Variants in XPO7 observed in about 807,000 individuals in gnomAD.
XPO7 encodes the protein exportin 7, also known as exportin-7.
A neutral mutation model predicts 144.3 loss-of-function variants in XPO7; 21 were observed. The ratio of observed to expected loss-of-function variants is 0.15; its 90% confidence interval spans 0.10 to 0.21. The LOEUF (loss-of-function observed/expected upper bound fraction) is 0.21. Ranked by LOEUF, XPO7 falls within the 10% of genes least tolerant of loss-of-function variation. The pLI, the probability that XPO7 is intolerant of heterozygous loss-of-function variation, is 1.00. For synonymous variants in XPO7, 580 were observed against 499.6 expected (o/e 1.16, Z -2.15); for missense variants, 808 against 1,325.8 (o/e 0.61, Z 6.06).
At chr8:21,932,344 T>C (rs1368841108) in intron 1 of XPO7, among the ~76,000 whole-genome samples, 1 of 152,210 alleles carries the variant, frequency 6.6e-6, no homozygotes, top group Non-Finnish European at 1.5e-5. Flanking sequence ...ACTAGCAATC[T>C]GTGGGGCGTG....
At chr8:21,927,762 C>T (rs1563308485) in intron 1 of XPO7, among the ~76,000 whole-genome samples, 1 of 152,102 alleles carries the variant, frequency 6.6e-6, no homozygotes, top group Non-Finnish European at 1.5e-5. Flanking sequence ...TCCGACTGGT[C>T]TTGAGCTCCC....
At chr8:21,991,039 A>G (rs1345029582) in intron 18 of XPO7, 120 bp downstream of exon 18, 2 of 857,538 alleles carry the variant, frequency 2.3e-6, no homozygotes, top group Admixed American at 2.1e-5. Flanking sequence ...TAACAAAACT[A>G]TCTGAAATAA....
rs376858253 is a variant in XPO7, at chr8:21,998,213, G to A, written c.2346-542G>A. 7.4e-4 allele frequency among the ~76,000 whole-genome samples: 113 copies of A among 152,268 alleles called. No homozygotes were observed. In the Middle Eastern group the frequency reaches 0.01, roughly 14 times the overall value. On this transcript the variant is annotated intron_variant, in intron 21 of 27. Coordinates refer to ENST00000252512, the MANE Select transcript of XPO7 (RefSeq NM_015024.5). ...TCCCAGCACTTTGGGAGGCTGAGGC[G>A]GGCGGATCACGAGGTCAGGAGATCG... is the stretch of plus-strand genomic sequence containing the variant.
intron 1 of XPO7, among the ~76,000 whole-genome samples, chr8:21,946,786 A>G (rs1811209050): frequency 6.6e-6 from 1 of 151,790 alleles, no homozygotes; most frequent in African/African-American, 2.4e-5. Context: ...ATACCTACAC[A>G]CTTTATAGTA....
In XPO7 at chr8:21,985,660, C is replaced by G; in HGVS notation, c.1546C>G (p.Gln516Glu). 1 of 1,613,720 alleles carries G rather than the reference C, an allele frequency of 6.2e-7. No individual in the cohort carries two copies. Among genetic ancestry groups the G allele is most frequent in the Non-Finnish European group, 8.5e-7 (1 of 1,179,886 alleles). ...GRVSFASTDE[Q>E]DAMDGELVCR... ...GGTTTCTTTTGCCAGCACTGATGAGCAAGACGCCATGGATGGTGAGCTTGT... is the reference window on the plus strand; with the variant it reads ...GGTTTCTTTTGCCAGCACTGATGAGGAAGACGCCATGGATGGTGAGCTTGT... Residue 516 changes from glutamine (Q) to glutamate (E), a missense_variant, in exon 13 of 28, where the codon CAA becomes GAA. Gln to Glu is a conservative substitution (Grantham distance 29). Transcript: ENST00000252512.
At chr8:21,957,106 C>T (rs758344858) in intron 1 of XPO7, among the ~76,000 whole-genome samples, 4 of 151,684 alleles carry the variant, frequency 2.6e-5, no homozygotes, top group African/African-American at 4.8e-5. Context: ...ATGAGATTCT[C>T]GGGAAAATCT....
intron 9 of XPO7, 76 bp from the exon 10 acceptor site, chr8:21,981,655 C>A (rs889727615): frequency 1.3e-6 from 2 of 1,549,914 alleles, no homozygotes; most frequent in Admixed American, 1.7e-5. Flanking sequence ...TCCCCCATGC[C>A]ATCTCAAGTA....
At chr8:21,996,273 G>A (rs1020652036) in intron 21 of XPO7, among the ~76,000 whole-genome samples, 1 of 152,172 alleles carries the variant, frequency 6.6e-6, no homozygotes, top group African/African-American at 2.4e-5. Flanking sequence ...AAATTAGCTG[G>A]GCATGGTGGC....
intron 5 of XPO7, among the ~76,000 whole-genome samples, chr8:21,974,089 C>CAGGA (rs1554517174): frequency 6.6e-6 from 1 of 151,552 alleles, no homozygotes; most frequent in African/African-American, 2.4e-5. Context: ...GTTTAAGAGA[C>CAGGA]TCTGCTGCCC....
At chr8:21,961,169 G>T (rs1263930319) in intron 1 of XPO7, among the ~76,000 whole-genome samples, 1 of 150,638 alleles carries the variant, frequency 6.6e-6, no homozygotes, top group Non-Finnish European at 1.5e-5. Flanking sequence ...TCCATTGAGT[G>T]TGTATCTAGG....
At chr8:21,941,595 T>G (rs2117268741) in intron 1 of XPO7, among the ~76,000 whole-genome samples, 1 of 152,336 alleles carries the variant, frequency 6.6e-6, no homozygotes, top group African/African-American at 2.4e-5. Context: ...GACAAAATTT[T>G]GTTTTCCAAA....
intron 1 of XPO7, among the ~76,000 whole-genome samples, chr8:21,936,803 A>C (rs888818378): frequency 3.3e-5 from 5 of 151,240 alleles, no homozygotes; most frequent in South Asian, 2.1e-4. Context: ...TCACTCCTTT[A>C]TAGGTAGAAT....
At chr8:21,950,390 C>T (rs1285495858) in intron 1 of XPO7, among the ~76,000 whole-genome samples, 1 of 152,130 alleles carries the variant, frequency 6.6e-6, no homozygotes, top group Non-Finnish European at 1.5e-5. Flanking sequence ...TATTCCTAAA[C>T]TATAGGAGCT....
At chr8:21,931,903 G>C (rs1489453762) in intron 1 of XPO7, among the ~76,000 whole-genome samples, 1 of 152,130 alleles carries the variant, frequency 6.6e-6, no homozygotes, top group African/African-American at 2.4e-5. Context: ...ACGAAGTCTT[G>C]CTCTTGTTGC....
Position 21,999,688 on chromosome 8 carries a change from G to C in XPO7, c.2782+14G>C, listed in dbSNP as rs1353827375. The stretch of plus-strand genomic sequence containing the variant: ...TTACTGCACTTGGTAAGCACCTGAG[G>C]TGGGTGGGTGAGTTGGTGGGTTTGT... On this transcript the variant is annotated intron_variant, in intron 24 of 27. Coordinates refer to ENST00000252512, the MANE Select transcript of XPO7 (RefSeq NM_015024.5). 1.9e-6 allele frequency: 3 copies of C among 1,613,820 alleles called. No homozygotes were observed. Among genetic ancestry groups the C allele is most frequent in the Non-Finnish European group, 2.5e-6 (3 of 1,179,732 alleles).
intron 16 of XPO7, among the ~76,000 whole-genome samples, chr8:21,989,811 T>G (rs1812699779): frequency 6.9e-6 from 1 of 144,778 alleles, no homozygotes; most frequent in African/African-American, 2.5e-5. Context: ...GAGTTTGGTA[T>G]AGGTGTTTCC....
At chr8:21,920,171 G>T (rs1810226445) in intron 1 of XPO7, among the ~76,000 whole-genome samples, 2 of 150,958 alleles carry the variant, frequency 1.3e-5, no homozygotes, top group African/African-American at 4.9e-5. Flanking sequence ...CTTTACTGAG[G>T]GGGACGCCCC....
At chr8:22,004,340 T>TA (rs1240293183) in intron 27 of XPO7, among the ~76,000 whole-genome samples, 2 of 152,194 alleles carry the variant, frequency 1.3e-5, no homozygotes, top group Admixed American at 6.5e-5. Context: ...TCTCAGTTCA[T>TA]ACGTTTTCAT....
rs761289661 is a variant in XPO7 at position 21,976,525 on chromosome 8, A to G, written c.763+4A>G. The G allele has an allele frequency of 9.3e-6, 15 of 1,608,930 alleles. No individual in the cohort carries two copies. Among genetic ancestry groups the G allele is most frequent in the Admixed American group, 3.4e-5 (2 of 59,610 alleles). On this transcript the variant is annotated splice_donor_region_variant and intron_variant, in intron 7 of 27. Coordinates refer to ENST00000252512, the MANE Select transcript of XPO7 (RefSeq NM_015024.5). ...ATTCCCACCAGCTGGAGATCAGGTA[A>G]CAGAACTTCCTCCACCTCAAAGGCT...
Sources: gnomAD v4.1 joint callset for allele counts (sites outside exome capture counted in the v4.1 genomes callset) on GRCh38, gnomAD v4.1.1 for gene constraint, MANE v1.5 for transcripts, NCBI Gene and HGNC (gene_info 2026-07-23, HGNC 2026-07-21) for gene names.